Variants in PROB1 observed in about 807,000 individuals in gnomAD.
PROB1 encodes the protein proline-rich basic protein 1.
For synonymous variants in PROB1, 660 were observed against 699.3 expected (o/e 0.94, Z 0.89); for missense variants, 1,453 against 1,485.7 (o/e 0.98, Z 0.36).
At position 139,394,459 on chromosome 5, in the gene PROB1, C is replaced by T; in HGVS notation, c.623G>A (p.Arg208His). ...GGGCCGGGGGCGCAGCTCGATCTGA[C>T]GCTTGGGCACTGTCCGGGGCCTGGC... ...APARPRTVPKRQIELRPRPQS... is the reference protein window; with the variant it reads ...APARPRTVPKHQIELRPRPQS... Residue 208 changes from arginine to histidine, a missense_variant, in exon 1 of 1, where the codon CGT becomes CAT. Arg to His is a conservative substitution (Grantham distance 29). Transcript: ENST00000434752. The T allele has an allele frequency of 7.1e-7, 1 of 1,402,830 alleles. No homozygotes were observed. Among genetic ancestry groups the T allele is most frequent in the African/African-American group, 1.5e-5 (1 of 65,320 alleles). The allele number at this position is 1,402,830 out of a possible 1,614,324, so 86.9% of individuals were successfully genotyped here.
In PROB1 at chr5:139,393,776, C is replaced by T. The variant is rs1449437276; in HGVS notation, c.1306G>A (p.Glu436Lys). ...ACGGCAGGATTTTGATTTTCCCACTCGGAGGAGGCTTCAGGGAACAATGGG... is the reference window on the plus strand; with the variant it reads ...ACGGCAGGATTTTGATTTTCCCACTTGGAGGAGGCTTCAGGGAACAATGGG... ...SSPLFPEASSEWENQNPAVEE... is the reference protein window; with the variant it reads ...SSPLFPEASSKWENQNPAVEE... Residue 436 changes from glutamate (E) to lysine (K), a missense_variant, in exon 1 of 1, where the codon GAG (glutamate) becomes AAG (lysine). By Grantham distance (56) the Glu-to-Lys change is moderately conservative. Transcript: ENST00000434752. The T allele has an allele frequency of 2.6e-6, 4 of 1,551,444 alleles. No homozygotes were observed. The highest frequency in any genetic ancestry group is 4.9e-5 in the East Asian group (2 of 40,914).
At position 139,394,005 on chromosome 5, in the gene PROB1, C is replaced by T. The variant is rs1019728971; in HGVS notation, c.1077G>A (p.Pro359=). 6.4e-7 allele frequency: 1 copy of T among 1,550,636 alleles called. No individual in the cohort carries two copies. Residue 359 remains proline, a synonymous_variant, in exon 1 of 1, where the codon CCG becomes CCA. Coordinates refer to ENST00000434752, the MANE Select transcript of PROB1 (RefSeq NM_001161546.2). ...KIQEARKTRF[P]REAPDRTVQR... is the part of the protein sequence containing the mutation. ...GAACAGTTCGATCCGGCGCCTCTCG[C>T]GGGAACCGAGTCTTCCGCGCCTCCT...
At position 139,392,709 on chromosome 5, in the gene PROB1, T is replaced by C; in HGVS notation, c.2373A>G (p.Val791=). The C allele has an allele frequency of 7.1e-7, 1 of 1,408,542 alleles. No individual in the cohort carries two copies. The highest frequency in any genetic ancestry group is 2.8e-5 in the East Asian group (1 of 35,310). 87.3% of individuals were successfully genotyped at this position (1,408,542 alleles called of 1,614,324 possible). A position where few individuals can be genotyped will look rare whatever the true frequency, so the allele number is the denominator to read the frequency against. ...GGGGCGATCGGACCCCTGCTGGCCCTACGGGGGAGCGCTGGGATGAGCTGC... is the reference window on the plus strand; with the variant it reads ...GGGGCGATCGGACCCCTGCTGGCCCCACGGGGGAGCGCTGGGATGAGCTGC... ...GARSSSQRSP[V]GPAGVRSPRP... Residue 791 remains valine (V), a synonymous_variant, in exon 1 of 1, where the codon GTA becomes GTG. Coordinates refer to ENST00000434752, the MANE Select transcript of PROB1 (RefSeq NM_001161546.2). This position sits in a 1 kb window ranked among gnomAD's most constrained non-coding sequence, Gnocchi z 5.8.
rs1354167311 is a variant in PROB1 at position 139,392,305 on chromosome 5, G to T, written c.2777C>A (p.Pro926His). 6.5e-7 allele frequency: 1 copy of T among 1,530,108 alleles called. No homozygotes were observed. The highest frequency in any genetic ancestry group is 2.0e-5 in the Admixed American group (1 of 48,936). The allele number at this position is 1,530,108 out of a possible 1,614,324, so 94.8% of individuals were successfully genotyped here. A position where few individuals can be genotyped will look rare whatever the true frequency, so the allele number is the denominator to read the frequency against. ...GGCCAGAGGGGTGTAGACGCGGTGG[G>T]GCGGCCCGGGAGACGAGGGCGGCAG... ...VLLPPSSPGP[P>H]HRVYTPLALG... The change falls in exon 1 of 1, where the codon CCC (proline) becomes CAC (histidine). Residue 926 changes from proline to histidine, a missense_variant. Pro to His is a moderately conservative substitution (Grantham distance 77, BLOSUM62 -2). Coordinates refer to ENST00000434752, the MANE Select transcript of PROB1 (RefSeq NM_001161546.2). This position sits in a 1 kb window ranked among gnomAD's most constrained non-coding sequence, Gnocchi z 5.8.
Position 139,392,198 on chromosome 5 carries a change from C to A in PROB1, c.2884G>T (p.Gly962Cys). 7.1e-7 allele frequency: 1 copy of A among 1,417,744 alleles called. No individual in the cohort carries two copies. The highest frequency in any genetic ancestry group is 9.3e-7 in the Non-Finnish European group (1 of 1,079,518). 87.8% of individuals were successfully genotyped at this position (1,417,744 alleles called of 1,614,324 possible). A position where few individuals can be genotyped will look rare whatever the true frequency, so the allele number is the denominator to read the frequency against. ...LPPSPGPQAL[G>C]SPQLPWVSEA... is the part of the protein sequence containing the mutation. ...GAGACCCAGGGTAGCTGGGGGCTGC[C>A]GAGGGCCTGCGGGCCCGGGGACGGT... Residue 962 changes from glycine to cysteine, a missense_variant, in exon 1 of 1, where the codon GGC becomes TGC. Coordinates refer to ENST00000434752, the MANE Select transcript of PROB1 (RefSeq NM_001161546.2). The surrounding 1 kb of genome is among the most constrained non-coding windows in gnomAD (Gnocchi z 5.8).
In PROB1 at chr5:139,392,362, T is replaced by C; in HGVS notation, c.2720A>G (p.Asp907Gly). The C allele has an allele frequency of 6.6e-7, 1 of 1,525,926 alleles. No homozygotes were observed. The highest frequency in any genetic ancestry group is 8.8e-7 in the Non-Finnish European group (1 of 1,137,888). 94.5% of individuals were successfully genotyped at this position (1,525,926 alleles called of 1,614,324 possible). ...CTCCACGTACTGCCCACTCTCAGGG[T>C]CGAAGAGCACCCGCAGCCGAGGCTG... ...PRQPRLRVLF[D>G]PESGQYVEVL... Residue 907 changes from aspartate to glycine, a missense_variant, in exon 1 of 1, where the codon GAC becomes GGC. By Grantham distance (94) the Asp-to-Gly change is moderately conservative. Transcript: ENST00000434752. The surrounding 1 kb of genome is among the most constrained non-coding windows in gnomAD (Gnocchi z 5.8).
rs1000518419 is a variant in PROB1, at chr5:139,394,934, C to T, written c.148G>A (p.Ala50Thr). 3.3e-6 allele frequency: 5 copies of T among 1,520,304 alleles called. No homozygotes were observed. The African/African-American group carries it at 7.2e-5, about 22-fold the overall frequency. 94.2% of individuals were successfully genotyped at this position (1,520,304 alleles called of 1,614,324 possible). A position where few individuals can be genotyped will look rare whatever the true frequency, so the allele number is the denominator to read the frequency against. The change falls in exon 1 of 1, where the codon GCG becomes ACG. Residue 50 changes from alanine (A) to threonine (T), a missense_variant. Ala to Thr is a moderately conservative substitution (Grantham distance 58). Coordinates refer to ENST00000434752, the MANE Select transcript of PROB1 (RefSeq NM_001161546.2). The stretch of plus-strand genomic sequence containing the variant: ...CAGGGCCAATTCGCTGGGCCTTTCG[C>T]GTCCGGCCCAACGTCCGGGGGCTCC... ...SPEPPDVGPD[A>T]KGPANWPWVA...
At position 139,392,347 on chromosome 5, in the gene PROB1, T is replaced by C. The variant is rs892140045; in HGVS notation, c.2735A>G (p.Gln912Arg). ...GGGCGGCAGCAACACCTCCACGTACTGCCCACTCTCAGGGTCGAAGAGCAC... is the reference window on the plus strand; with the variant it reads ...GGGCGGCAGCAACACCTCCACGTACCGCCCACTCTCAGGGTCGAAGAGCAC... ...LRVLFDPESG[Q>R]YVEVLLPPSS... The change falls in exon 1 of 1, where the codon CAG becomes CGG. Residue 912 changes from glutamine (Q) to arginine (R), a missense_variant. Physicochemically the swap from Gln to Arg is conservative, Grantham distance 43. Coordinates refer to ENST00000434752, the MANE Select transcript of PROB1 (RefSeq NM_001161546.2). This position sits in a 1 kb window ranked among gnomAD's most constrained non-coding sequence, Gnocchi z 5.8. The C allele has an allele frequency of 1.3e-6, 2 of 1,533,212 alleles. No individual in the cohort carries two copies. The highest frequency in any genetic ancestry group is 1.8e-6 in the Non-Finnish European group (2 of 1,140,500). 95.0% of individuals were successfully genotyped at this position (1,533,212 alleles called of 1,614,324 possible).
At position 139,391,985 on chromosome 5, in the gene PROB1, C is replaced by T. The variant is rs1758606007; in HGVS notation, c.*49G>A. The T allele has an allele frequency of 3.0e-6, 4 of 1,316,504 alleles. No individual in the cohort carries two copies. The highest frequency in any genetic ancestry group is 3.9e-6 in the Non-Finnish European group (4 of 1,021,576). 81.6% of individuals were successfully genotyped at this position (1,316,504 alleles called of 1,614,324 possible). A position where few individuals can be genotyped will look rare whatever the true frequency, so the allele number is the denominator to read the frequency against. ...GAGGGTAGGGGCTTGGATGCCAGAA[C>T]CTCCCAGGCATCCAAGGGCTCCAAC... On this transcript the variant is annotated 3_prime_UTR_variant, in exon 1 of 1. Coordinates refer to ENST00000434752, the MANE Select transcript of PROB1 (RefSeq NM_001161546.2). This position sits in a 1 kb window ranked among gnomAD's most constrained non-coding sequence, Gnocchi z 4.8.
chr5:139,394,837 TGCCGCTG>T lies in PROB1; in HGVS notation c.238_244del (p.Gln80ThrfsTer90), dbSNP rs1379879812. On this transcript the variant is annotated frameshift_variant, in exon 1 of 1. Transcript: ENST00000434752. LOFTEE classifies it low-confidence loss of function (END_TRUNC). ...TCGCGGGAAACCCGAGCCGGGCCCG[TGCCGCTG>T]GCGGCTATTCTGGGCGCTGACGGAC... 6.5e-7 allele frequency: 1 copy of T among 1,531,688 alleles called. No individual in the cohort carries two copies. 94.9% of individuals were successfully genotyped at this position (1,531,688 alleles called of 1,614,324 possible).
rs953942619 is a variant in PROB1, at chr5:139,394,647, C to T, written c.435G>A (p.Pro145=). The T allele has an allele frequency of 1.6e-5, 24 of 1,534,538 alleles. 1 individual carries two copies. Among genetic ancestry groups the T allele is most frequent in the Admixed American group, 9.8e-5 (5 of 50,864 alleles). ...CCGCGGCGGGAGACGCTGGCCCCGG[C>T]GGCAAGGGGCTGATGAAGGCCGGCT... ...FTEPAFISPL[P]PGPASPAAVP... is the part of the protein sequence containing the mutation. The change falls in exon 1 of 1, where the codon CCG becomes CCA. Residue 145 remains proline (P), a synonymous_variant. Transcript: ENST00000434752.
At position 139,392,493 on chromosome 5, in the gene PROB1, C is replaced by G; in HGVS notation, c.2589G>C (p.Pro863=). 7.3e-7 allele frequency: 1 copy of G among 1,361,090 alleles called. No individual in the cohort carries two copies. The highest frequency in any genetic ancestry group is 9.4e-7 in the Non-Finnish European group (1 of 1,061,522). 84.3% of individuals were successfully genotyped at this position (1,361,090 alleles called of 1,614,324 possible). A position where few individuals can be genotyped will look rare whatever the true frequency, so the allele number is the denominator to read the frequency against. The part of the protein sequence containing the change: ...AASAPPTDRS[P]QSPSQGARRQ... ...TGCGCGCTCCCTGGGAGGGGCTTTG[C>G]GGGGACCGGTCCGTGGGAGGCGCCG... The change falls in exon 1 of 1, where the codon CCG becomes CCC. Residue 863 remains proline (P), a synonymous_variant. Coordinates refer to ENST00000434752, the MANE Select transcript of PROB1 (RefSeq NM_001161546.2). This position sits in a 1 kb window ranked among gnomAD's most constrained non-coding sequence, Gnocchi z 5.8.
In PROB1 at chr5:139,393,518, A is replaced by C. The variant is rs919868384; in HGVS notation, c.1564T>G (p.Trp522Gly). The change falls in exon 1 of 1, where the codon TGG becomes GGG. Residue 522 changes from tryptophan to glycine, a missense_variant. Coordinates refer to ENST00000434752, the MANE Select transcript of PROB1 (RefSeq NM_001161546.2). The part of the protein sequence containing the change: ...GTWGPSPQET[W>G]DPMGPGSSIA... Reference sequence around the variant, plus strand: ...GATGAGCCCGGCCCCATGGGATCCCATGTCTCTTGGGGAGATGGGCCCCAA... The same window carrying C: ...GATGAGCCCGGCCCCATGGGATCCCCTGTCTCTTGGGGAGATGGGCCCCAA... 1.3e-6 allele frequency: 2 copies of C among 1,551,284 alleles called. No individual in the cohort carries two copies. Among genetic ancestry groups the C allele is most frequent in the Non-Finnish European group, 1.7e-6 (2 of 1,146,934 alleles).
In PROB1 at chr5:139,392,749, G is replaced by A. The variant is rs575154446; in HGVS notation, c.2333C>T (p.Pro778Leu). ...GGATGAGCTGCGGGCGCCGCCTAGAGGGCTGGTCCGACCGTCGCCGTCGGG... is the reference window on the plus strand; with the variant it reads ...GGATGAGCTGCGGGCGCCGCCTAGAAGGCTGGTCCGACCGTCGCCGTCGGG... ...LVPDGDGRTS[P>L]LGGARSSSQR... Residue 778 changes from proline to leucine, a missense_variant, in exon 1 of 1, where the codon CCT becomes CTT. By Grantham distance (98) the Pro-to-Leu change is moderately conservative. Coordinates refer to ENST00000434752, the MANE Select transcript of PROB1 (RefSeq NM_001161546.2). The surrounding 1 kb of genome is among the most constrained non-coding windows in gnomAD (Gnocchi z 5.8). The A allele has an allele frequency of 8.0e-5, 114 of 1,433,364 alleles. 1 individual carries two copies. In the Middle Eastern group the frequency reaches 1.3e-3, roughly 16 times the overall value. The allele number at this position is 1,433,364 out of a possible 1,614,324, so 88.8% of individuals were successfully genotyped here. A position where few individuals can be genotyped will look rare whatever the true frequency, so the allele number is the denominator to read the frequency against.
chr5:139,393,375 T>A lies in PROB1; in HGVS notation c.1707A>T (p.Glu569Asp). ...TCCCTCCAAAGGCAAGATCTGAAAT[T>A]TCCCGCGTGGATGGACTCTGCATCT... The part of the protein sequence containing the change: ...PTEMQSPSTR[E>D]ISDLAFGGSQ... The change falls in exon 1 of 1, where the codon GAA becomes GAT. Residue 569 changes from glutamate to aspartate, a missense_variant. Transcript: ENST00000434752. 6.4e-7 allele frequency: 1 copy of A among 1,551,584 alleles called. No individual in the cohort carries two copies. The highest frequency in any genetic ancestry group is 8.7e-7 in the Non-Finnish European group (1 of 1,146,984).
At position 139,392,650 on chromosome 5, in the gene PROB1, C is replaced by A; in HGVS notation, c.2432G>T (p.Ser811Ile). 7.2e-7 allele frequency: 1 copy of A among 1,389,508 alleles called. No individual in the cohort carries two copies. Among genetic ancestry groups the A allele is most frequent in the Non-Finnish European group, 9.3e-7 (1 of 1,072,078 alleles). 86.1% of individuals were successfully genotyped at this position (1,389,508 alleles called of 1,614,324 possible). A position where few individuals can be genotyped will look rare whatever the true frequency, so the allele number is the denominator to read the frequency against. The stretch of plus-strand genomic sequence containing the variant: ...CTTCGGTTTGGGTGCTATCCCAGGG[C>A]TCGGGCTGGCTTGCATCTGAGGGGA... ...PGSPQMQASP[S>I]PGIAPKPKTP... The change falls in exon 1 of 1, where the codon AGC becomes ATC. Residue 811 changes from serine (S) to isoleucine (I), a missense_variant. Physicochemically the swap from Ser to Ile is moderately radical, Grantham distance 142. Transcript: ENST00000434752. The surrounding 1 kb of genome is among the most constrained non-coding windows in gnomAD (Gnocchi z 5.8).
At position 139,394,422 on chromosome 5, in the gene PROB1, T is replaced by C. The variant is rs2152076989; in HGVS notation, c.660A>G (p.Pro220=). The C allele has an allele frequency of 7.2e-7, 1 of 1,393,458 alleles. No individual in the cohort carries two copies. Among genetic ancestry groups the C allele is most frequent in the Non-Finnish European group, 9.2e-7 (1 of 1,082,724 alleles). The allele number at this position is 1,393,458 out of a possible 1,614,324, so 86.3% of individuals were successfully genotyped here. A position where few individuals can be genotyped will look rare whatever the true frequency, so the allele number is the denominator to read the frequency against. The change falls in exon 1 of 1, where the codon CCA becomes CCG. Residue 220 remains proline (P), a synonymous_variant. Coordinates refer to ENST00000434752, the MANE Select transcript of PROB1 (RefSeq NM_001161546.2). ...GGGGGCGCGGCGCGCCGGCCGCCCT[T>C]GGGGGACTCTGGGGCCGGGGGCGCA... is the stretch of plus-strand genomic sequence containing the variant. ...IELRPRPQSP[P]RAAGAPRPRL... is the part of the protein sequence containing the mutation.
At position 139,392,207 on chromosome 5, in the gene PROB1, G is replaced by C. The variant is rs1293269667; in HGVS notation, c.2875C>G (p.Gln959Glu). ...GGTAGCTGGGGGCTGCCGAGGGCCT[G>C]CGGGCCCGGGGACGGTGGCAGAGAG... Reference protein sequence around the residue: ...SLSLPPSPGPQALGSPQLPWV... With the variant: ...SLSLPPSPGPEALGSPQLPWV... Residue 959 changes from glutamine to glutamate, a missense_variant, in exon 1 of 1, where the codon CAG becomes GAG. Gln to Glu is a conservative substitution (Grantham distance 29, BLOSUM62 2). Transcript: ENST00000434752. This position sits in a 1 kb window ranked among gnomAD's most constrained non-coding sequence, Gnocchi z 5.8. 1 of 1,428,942 alleles carries C rather than the reference G, an allele frequency of 7.0e-7. No individual in the cohort carries two copies. The highest frequency in any genetic ancestry group is 9.2e-7 in the Non-Finnish European group (1 of 1,085,088). The allele number at this position is 1,428,942 out of a possible 1,614,324, so 88.5% of individuals were successfully genotyped here.
chr5:139,392,050 GA>G lies in PROB1; in HGVS notation c.3031del (p.Ser1011HisfsTer50), dbSNP rs1325080637. ...CCCGGGGCCTCACAGCGGGAACAAT[GA>G]ACCCTTGCCGGGCTGGGTGGGACCT... ...SSGPTQPGKGSLFPL is the reference protein window; with the variant it reads ...SSGPTQPGKGXLFPL On this transcript the variant is annotated frameshift_variant, in exon 1 of 1. Transcript: ENST00000434752. LOFTEE classifies it high-confidence loss of function. This position sits in a 1 kb window ranked among gnomAD's most constrained non-coding sequence, Gnocchi z 5.8. The G allele has an allele frequency of 7.1e-7, 1 of 1,400,006 alleles. No individual in the cohort carries two copies. The highest frequency in any genetic ancestry group is 9.3e-7 in the Non-Finnish European group (1 of 1,074,404). The allele number at this position is 1,400,006 out of a possible 1,614,324, so 86.7% of individuals were successfully genotyped here. A position where few individuals can be genotyped will look rare whatever the true frequency, so the allele number is the denominator to read the frequency against.
Sources: gnomAD v4.1 joint callset for allele counts on GRCh38, gnomAD v4.1.1 for gene constraint, Gnocchi (gnomAD v3.1) non-coding constraint, MANE v1.5 for transcripts, NCBI Gene and HGNC (gene_info 2026-07-23, HGNC 2026-07-21) for gene names.